Variants in ATG10 observed in about 807,000 individuals in gnomAD.
The protein encoded by ATG10 is ubiquitin-like-conjugating enzyme ATG10.
A neutral mutation model predicts 32.1 loss-of-function variants in ATG10; 30 were observed. The observed-to-expected ratio is 0.94, with a 90% CI of 0.70 to 1.27. ATG10 has a LOEUF of 1.27. Ranked by LOEUF, ATG10 falls within the 50% of genes most tolerant of loss-of-function variation. ATG10 has a pLI of 0.00. For synonymous variants in ATG10, 87 were observed against 91.5 expected (o/e 0.95, Z 0.28); for missense variants, 233 against 262.3 (o/e 0.89, Z 0.77).
chr5:82,153,910 A>ATTTTTT (rs11346832), intron 3 of ATG10, among the ~76,000 whole-genome samples: 1 of 130,096 alleles, frequency 7.7e-6, no homozygotes. Flanking sequence ...CCTGCTGCCT[A>ATTTTTT]TTTTTTTTTT....
intron 5 of ATG10, among the ~76,000 whole-genome samples, chr5:82,201,449 C>A (rs1324281868): frequency 2.0e-5 from 3 of 152,148 alleles, no homozygotes; most frequent in Admixed American, 2.0e-4. Flanking sequence ...TTGTCAAAAT[C>A]AATTGACCAT....
At chr5:82,236,819 C>G (rs956249163) in intron 5 of ATG10, among the ~76,000 whole-genome samples, 1 of 152,170 alleles carries the variant, frequency 6.6e-6, no homozygotes, top group African/African-American at 2.4e-5. Context: ...GCTCACTTGT[C>G]TTCCTCTGTT....
At chr5:82,237,276 G>C (rs190288173) in intron 5 of ATG10, among the ~76,000 whole-genome samples, 1 of 151,948 alleles carries the variant, frequency 6.6e-6, no homozygotes, top group East Asian at 1.9e-4. Flanking sequence ...TATATTCTAC[G>C]GCCACACTTT....
intron 3 of ATG10, among the ~76,000 whole-genome samples, chr5:82,088,300 A>G (rs1396809132): frequency 6.6e-6 from 1 of 152,126 alleles, no homozygotes; most frequent in Non-Finnish European, 1.5e-5. Context: ...GATATGAACT[A>G]TATTAGGTAA....
chr5:82,139,556 C>A (rs745810981), intron 3 of ATG10, among the ~76,000 whole-genome samples: 21 of 145,832 alleles, frequency 1.4e-4, no homozygotes, highest in East Asian at 4.2e-4. Flanking sequence ...AGGTGAGGAG[C>A]GTCTCTGCCC....
At chr5:82,053,943 A>G (rs1046547693) in intron 2 of ATG10, among the ~76,000 whole-genome samples, 16 of 152,286 alleles carry the variant, frequency 1.1e-4, no homozygotes, top group African/African-American at 3.4e-4. Context: ...CCAAGAAGAG[A>G]GCATTAACAG....
chr5:82,091,693 T>A (rs1232413243), intron 3 of ATG10, among the ~76,000 whole-genome samples: 1 of 152,186 alleles, frequency 6.6e-6, no homozygotes, highest in Non-Finnish European at 1.5e-5. Flanking sequence ...TACCTGGAAT[T>A]TAATGAGATC....
At chr5:82,126,859 C>A (rs1480987166) in intron 3 of ATG10, among the ~76,000 whole-genome samples, 1 of 152,280 alleles carries the variant, frequency 6.6e-6, no homozygotes, top group Non-Finnish European at 1.5e-5. Context: ...AGGAATGGTA[C>A]CAGCTCCTCT....
chr5:82,208,204 T>C (rs1745371845), intron 5 of ATG10, among the ~76,000 whole-genome samples: 1 of 152,160 alleles, frequency 6.6e-6, no homozygotes. Flanking sequence ...CTATTTTTAT[T>C]ACTATAAGTT....
chr5:82,153,910 A>ATTTTTTTT (rs11346832), intron 3 of ATG10, among the ~76,000 whole-genome samples: 2 of 130,096 alleles, frequency 1.5e-5, no homozygotes. Context: ...CCTGCTGCCT[A>ATTTTTTTT]TTTTTTTTTT....
chr5:82,184,512 T>C (rs958214444), intron 5 of ATG10, among the ~76,000 whole-genome samples: 3 of 152,058 alleles, frequency 2.0e-5, no homozygotes, highest in African/African-American at 7.2e-5. Context: ...AGGGGCTCTG[T>C]TTCAGGTCTG....
intron 3 of ATG10, chr5:82,072,935 G>T (rs1408918941): frequency 6.6e-6 from 1 of 152,126 alleles, no homozygotes; most frequent in Non-Finnish European, 1.5e-5. Context: ...CTGCTGTGAA[G>T]GAGGTACATA....
At chr5:82,126,028 T>C (rs553398321) in intron 3 of ATG10, among the ~76,000 whole-genome samples, 11,160 of 144,492 alleles carry the variant, frequency 0.077, 621 homozygotes, top group African/African-American at 0.17. Flanking sequence ...TATTTAATAC[T>C]CTTTGTAGCA....
At chr5:82,040,546 T>C (rs1763053523) in intron 2 of ATG10, among the ~76,000 whole-genome samples, 1 of 152,198 alleles carries the variant, frequency 6.6e-6, no homozygotes, top group Non-Finnish European at 1.5e-5. Context: ...TTGGCAAGGA[T>C]ACACATTATT....
chr5:82,241,544 C>A (rs1218174042), intron 5 of ATG10, among the ~76,000 whole-genome samples: 2 of 152,124 alleles, frequency 1.3e-5, no homozygotes, highest in Admixed American at 1.3e-4. Context: ...TTCATTTCAC[C>A]TGACCAACCA....
intron 5 of ATG10, among the ~76,000 whole-genome samples, chr5:82,247,415 A>G (rs1747081654): frequency 6.6e-6 from 1 of 151,934 alleles, no homozygotes; most frequent in Non-Finnish European, 1.5e-5. Context: ...CATATTTACT[A>G]TTGAGTCCAT....
chr5:82,223,797 A>G (rs1305715122), intron 5 of ATG10, among the ~76,000 whole-genome samples: 4 of 152,208 alleles, frequency 2.6e-5, no homozygotes, highest in African/African-American at 9.6e-5. Flanking sequence ...GAGTTTGTTT[A>G]TTATGAACTG....
intron 3 of ATG10, among the ~76,000 whole-genome samples, chr5:82,104,547 G>A (rs1393946027): frequency 1.3e-5 from 2 of 151,794 alleles, no homozygotes; most frequent in African/African-American, 2.4e-5. Flanking sequence ...TTTAACATCC[G>A]ATTTTATAGG....
rs576931045 is a variant in ATG10, at chr5:82,256,099, A to G, written c.*2036A>G. 1 of 152,316 alleles carries G rather than the reference A, an allele frequency of 6.6e-6. No individual in the cohort carries two copies. The highest frequency in any genetic ancestry group is 1.9e-4 in the East Asian group (1 of 5,188). 9.4% of individuals were successfully genotyped at this position (152,316 alleles called of 1,614,324 possible). A position where few individuals can be genotyped will look rare whatever the true frequency, so the allele number is the denominator to read the frequency against. The stretch of plus-strand genomic sequence containing the variant: ...AGCAAGTCATTTCTCAAGCCATGTC[A>G]TTTCTAGTGTAAAATAAATTATAAT... On this transcript the variant is annotated 3_prime_UTR_variant, in exon 8 of 8. Coordinates refer to ENST00000282185, the MANE Select transcript of ATG10 (RefSeq NM_031482.5).
Sources: gnomAD v4.1 joint callset for allele counts (sites outside exome capture counted in the v4.1 genomes callset) on GRCh38, gnomAD v4.1.1 for gene constraint, MANE v1.5 for transcripts, NCBI Gene and HGNC (gene_info 2026-07-23, HGNC 2026-07-21) for gene names.